The following LIPA variants were observed in gnomAD, a reference collection of about 807,000 sequenced individuals.
LIPA encodes lipase A, lysosomal acid type.
In LIPA, 26 loss-of-function variants were observed where a neutral mutation model predicts 40.6. That is an observed-to-expected ratio of 0.64 (90% confidence interval 0.47 to 0.89). The LOEUF is 0.89. Among genes scored for constraint, LIPA ranks in the 40% least tolerant of loss-of-function variants. The pLI is 0.00. For missense variants in LIPA, 455 were observed against 479.6 expected, an observed-to-expected ratio of 0.95 and a Z score of 0.48; for synonymous variants, 188 against 168.4, an observed-to-expected ratio of 1.12 and a Z score of -0.90.
chr10:89,392,672 A>G (rs574981720), intron 2 of LIPA: 1 of 1,613,226 alleles, frequency 6.2e-7, no homozygotes, highest in South Asian at 1.1e-5. Context: ...GAGCCTGGCT[A>G]AGCAAAACCC....
intron 2 of LIPA, among the ~76,000 whole-genome samples, chr10:89,387,316 T>TTA (rs1844217629): frequency 2.3e-5 from 2 of 86,408 alleles, no homozygotes; most frequent in East Asian, 1.2e-3. Flanking sequence ...AGACTCCGTC[T>TTA]CAAAAAAAAA....
chr10:89,297,904 C>T (rs748580291), intron 1 of LIPA, among the ~76,000 whole-genome samples: 4 of 152,188 alleles, frequency 2.6e-5, no homozygotes, highest in South Asian at 2.1e-4. Context: ...CCCCACTGGA[C>T]GCATGGCCTC....
At chr10:89,223,574 A>G in intron 7 of LIPA, 110 bp downstream of exon 7, 1 of 937,214 alleles carries the variant, frequency 1.1e-6, no homozygotes, top group Non-Finnish European at 1.7e-6. Flanking sequence ...CAAATGAAAG[A>G]CTCTTTAGAG....
rs1236811462 is a variant in LIPA, at chr10:89,383,427, G to C, written c.61+29364C>G. ...CTGAAATTCCTGATTTAGAAAACAG[G>C]ATCTGGGAAGAGATTCAGTTCCTGG... is the stretch of plus-strand genomic sequence containing the variant. On this transcript the variant is annotated intron_variant, in intron 2 of 8. Transcript: ENST00000371837. 4 of 1,614,094 alleles carry C rather than the reference G, an allele frequency of 2.5e-6. No individual in the cohort carries two copies. The Admixed American group carries it at 6.7e-5, about 27-fold the overall frequency.
At chr10:89,399,435 T>C (rs1844389883) in intron 2 of LIPA, among the ~76,000 whole-genome samples, 1 of 152,240 alleles carries the variant, frequency 6.6e-6, no homozygotes, top group African/African-American at 2.4e-5. Context: ...TCATATCTAA[T>C]GAATCACTGC....
intron 1 of LIPA, among the ~76,000 whole-genome samples, chr10:89,296,504 AAAGAAG>A (rs1162733197): frequency 1.4e-5 from 2 of 146,122 alleles, no homozygotes; most frequent in African/African-American, 2.6e-5. Flanking sequence ...AAAAAAAAAA[AAAGAAG>A]AAGAAGAAGA....
At chr10:89,376,792 T>C (rs958339891) in intron 2 of LIPA, among the ~76,000 whole-genome samples, 1 of 152,244 alleles carries the variant, frequency 6.6e-6, no homozygotes, top group Admixed American at 6.5e-5. Flanking sequence ...TACCCAATTA[T>C]AGAATCATTT....
At chr10:89,377,326 G>T (rs1844128722) in intron 2 of LIPA, among the ~76,000 whole-genome samples, 1 of 152,150 alleles carries the variant, frequency 6.6e-6, no homozygotes, top group South Asian at 2.1e-4. Flanking sequence ...TAACCCCCAT[G>T]ACCCCATCAC....
chr10:89,331,657 G>A (rs11203070), intron 1 of LIPA, among the ~76,000 whole-genome samples: 34,930 of 151,650 alleles, frequency 0.23, 4,194 homozygotes, highest in African/African-American at 0.26. Context: ...TCAGGAGTTG[G>A]AGACCAGCCT....
intron 1 of LIPA, among the ~76,000 whole-genome samples, chr10:89,317,889 C>A (rs923328815): frequency 1.3e-5 from 2 of 152,168 alleles, no homozygotes; most frequent in Non-Finnish European, 2.9e-5. Context: ...CTCTACAAGC[C>A]AGAAGAGAGT....
chr10:89,411,923 C>T (rs938007418), intron 2 of LIPA, among the ~76,000 whole-genome samples: 4 of 152,326 alleles, frequency 2.6e-5, no homozygotes, highest in African/African-American at 9.6e-5. Flanking sequence ...TGTTACTTGT[C>T]TTTGGGCCCT....
chr10:89,289,385 C>G (rs1843359170), intron 1 of LIPA, among the ~76,000 whole-genome samples: 1 of 152,188 alleles, frequency 6.6e-6, no homozygotes, highest in African/African-American at 2.4e-5. Context: ...AGGGAATGTT[C>G]AGGCCCCCTC....
chr10:89,288,091 A>G (rs1451745651), intron 1 of LIPA, among the ~76,000 whole-genome samples: 1 of 152,180 alleles, frequency 6.6e-6, no homozygotes, highest in Non-Finnish European at 1.5e-5. Flanking sequence ...GACAGCCCCC[A>G]TTACTTCAGT....
intron 1 of LIPA, among the ~76,000 whole-genome samples, chr10:89,267,345 G>A (rs1048800438): frequency 5.9e-5 from 9 of 152,136 alleles, no homozygotes; most frequent in Admixed American, 5.9e-4. Context: ...AAAATGGAAG[G>A]AGAAAGTCTC....
intron 1 of LIPA, among the ~76,000 whole-genome samples, chr10:89,314,085 T>A (rs565574559): frequency 6.6e-6 from 1 of 152,242 alleles, no homozygotes; most frequent in African/African-American, 2.4e-5. Flanking sequence ...ATTTTTCTTT[T>A]GTTATCTATT....
chr10:89,277,095 CTG>C (rs889302672), intron 1 of LIPA, among the ~76,000 whole-genome samples: 1 of 152,078 alleles, frequency 6.6e-6, no homozygotes, highest in African/African-American at 2.4e-5. Context: ...CATAAACTTA[CTG>C]TGTATTAAAA....
At chr10:89,342,183 C>T (rs1843877368) in intron 1 of LIPA, among the ~76,000 whole-genome samples, 1 of 152,022 alleles carries the variant, frequency 6.6e-6, no homozygotes, top group Admixed American at 6.6e-5. Flanking sequence ...GTGTCCTCTG[C>T]CTGTCATCCT....
upstream of LIPA, among the ~76,000 whole-genome samples, chr10:89,252,868 C>G (rs375308525): frequency 1.3e-5 from 2 of 151,510 alleles, no homozygotes; most frequent in East Asian, 1.9e-4. Flanking sequence ...GGAAAGGACT[C>G]TTATGAAGTG....
At chr10:89,324,061 T>C (rs1238391698) in intron 1 of LIPA, among the ~76,000 whole-genome samples, 1 of 152,084 alleles carries the variant, frequency 6.6e-6, no homozygotes, top group African/African-American at 2.4e-5. Context: ...AGCATGGTAC[T>C]GGTACAAAAA....
Sources: gnomAD v4.1 joint callset for allele counts (sites outside exome capture counted in the v4.1 genomes callset) on GRCh38, gnomAD v4.1.1 for gene constraint, MANE v1.5 for transcripts, NCBI Gene and HGNC (gene_info 2026-07-23, HGNC 2026-07-21) for gene names.